The following CCDC178 variants were observed in gnomAD, a reference collection of about 807,000 sequenced individuals.
The protein encoded by CCDC178 is coiled-coil domain-containing protein 178.
CCDC178 carries 126 observed loss-of-function variants against 117.4 expected under a neutral mutation model. The ratio of observed to expected loss-of-function variants is 1.07; its 90% CI spans 0.93 to 1.24. The LOEUF (loss-of-function observed/expected upper bound fraction) is 1.24. CCDC178 is among the 50% of genes most tolerant of loss of function. CCDC178 has a pLI of 0.00. For synonymous variants in CCDC178, 283 were observed against 313.4 expected, an observed-to-expected ratio of 0.90 and a Z score of 1.02; for missense variants, 1,030 against 986.9, an observed-to-expected ratio of 1.04 and a Z score of -0.59.
chr18:33,228,250 C>T (rs1279295693), intron 15 of CCDC178, among the ~76,000 whole-genome samples: 3 of 152,130 alleles, frequency 2.0e-5, no homozygotes, highest in Non-Finnish European at 4.4e-5. Flanking sequence ...TTAGATCACT[C>T]TGGTTACAAT....
intron 20 of CCDC178, among the ~76,000 whole-genome samples, chr18:33,174,653 T>C (rs1388885660): frequency 6.6e-6 from 1 of 152,006 alleles, no homozygotes; most frequent in African/African-American, 2.4e-5. Context: ...AGGAGGAGAG[T>C]AAATGTCAAC....
chr18:33,109,405 C>A (rs1374828634), intron 20 of CCDC178, among the ~76,000 whole-genome samples: 1 of 151,546 alleles, frequency 6.6e-6, no homozygotes, highest in African/African-American at 2.4e-5. Flanking sequence ...AAAAGAGATG[C>A]AAAACATTTG....
intron 20 of CCDC178, among the ~76,000 whole-genome samples, chr18:33,166,766 A>G (rs2058535936): frequency 6.6e-6 from 1 of 152,176 alleles, no homozygotes; most frequent in African/African-American, 2.4e-5. Context: ...GTAAAAATTC[A>G]TACTGGTCTG....
At chr18:33,237,783 A>C (rs961552919) in intron 15 of CCDC178, among the ~76,000 whole-genome samples, 6 of 151,604 alleles carry the variant, frequency 4.0e-5, no homozygotes, top group Non-Finnish European at 5.9e-5. Flanking sequence ...AAAAAAACAA[A>C]AAAAAAAACA....
intron 20 of CCDC178, among the ~76,000 whole-genome samples, chr18:33,187,798 C>A (rs1230870343): frequency 1.3e-5 from 2 of 151,980 alleles, no homozygotes; most frequent in Admixed American, 6.6e-5. Context: ...AACCCAAGAC[C>A]CAAAGTTGGC....
intron 20 of CCDC178, among the ~76,000 whole-genome samples, chr18:33,210,388 G>T (rs746934663): frequency 1.6e-4 from 25 of 151,888 alleles, no homozygotes; most frequent in Non-Finnish European, 3.1e-4. Flanking sequence ...CAGGCTTTTT[G>T]ATGAAAAGAA....
intron 20 of CCDC178, among the ~76,000 whole-genome samples, chr18:33,171,322 C>T (rs2058596848): frequency 6.6e-6 from 1 of 152,164 alleles, no homozygotes; most frequent in Non-Finnish European, 1.5e-5. Flanking sequence ...TTCACTCTTC[C>T]TGATACTTAC....
At chr18:33,310,725 CT>C (rs1275892766) in intron 11 of CCDC178, among the ~76,000 whole-genome samples, 17 of 152,022 alleles carry the variant, frequency 1.1e-4, no homozygotes, top group African/African-American at 4.1e-4. Flanking sequence ...GATTGGCCCC[CT>C]ATGTTAAAAT....
chr18:33,369,343 T>C (rs1288503939), intron 6 of CCDC178, among the ~76,000 whole-genome samples: 2 of 151,668 alleles, frequency 1.3e-5, no homozygotes, highest in Non-Finnish European at 2.9e-5. Flanking sequence ...CATCCTAGAC[T>C]GAGAATTGTA....
chr18:33,096,357 A>AATATAAAATTTTTATATTTTATATAAAC (rs2057544467), intron 20 of CCDC178, among the ~76,000 whole-genome samples: 1 of 117,832 alleles, frequency 8.5e-6, no homozygotes, highest in Non-Finnish European at 1.7e-5. Flanking sequence ...TTTATATAAA[A>AATATAAAATTTTTATATTTTATATAAAC]ATATAAAATT....
At chr18:33,369,279 TA>T (rs1267258453) in intron 6 of CCDC178, among the ~76,000 whole-genome samples, 1 of 151,972 alleles carries the variant, frequency 6.6e-6, no homozygotes, top group African/African-American at 2.4e-5. Flanking sequence ...AAGGTCACTC[TA>T]AAGCCTGCAA....
chr18:33,075,127 T>G (rs1159019198), intron 21 of CCDC178, among the ~76,000 whole-genome samples: 1 of 152,160 alleles, frequency 6.6e-6, no homozygotes, highest in East Asian at 1.9e-4. Flanking sequence ...TAGATGCAGG[T>G]ACTTTGATGG....
At chr18:33,367,612 T>C (rs73955119) in intron 6 of CCDC178, among the ~76,000 whole-genome samples, 2,358 of 151,858 alleles carry the variant, frequency 0.016, 58 homozygotes, top group African/African-American at 0.053. Flanking sequence ...TCAGAAAAAA[T>C]TTTTTCATCT....
intron 20 of CCDC178, among the ~76,000 whole-genome samples, chr18:33,159,405 T>A (rs551526225): frequency 1.3e-5 from 2 of 152,250 alleles, no homozygotes; most frequent in Admixed American, 6.5e-5. Flanking sequence ...ATGTATTCTC[T>A]TACAGTTCCA....
intron 20 of CCDC178, among the ~76,000 whole-genome samples, chr18:33,107,225 C>T (rs1311079642): frequency 2.0e-5 from 3 of 151,418 alleles, no homozygotes; most frequent in African/African-American, 4.8e-5. Flanking sequence ...GTGTTAGGTA[C>T]TAGACATATA....
chr18:33,418,860 T>C (rs1350864749), intron 2 of CCDC178, among the ~76,000 whole-genome samples: 1 of 152,146 alleles, frequency 6.6e-6, no homozygotes, highest in Non-Finnish European at 1.5e-5. Flanking sequence ...GGAAAATTAT[T>C]CCATAGTCTT....
At chr18:33,253,076 C>G (rs942644446) in intron 14 of CCDC178, among the ~76,000 whole-genome samples, 2 of 151,734 alleles carry the variant, frequency 1.3e-5, no homozygotes, top group Non-Finnish European at 2.9e-5. Flanking sequence ...AGTCAAATGT[C>G]CCAAATGTAA....
At chr18:33,094,174 C>T (rs1028401423) in intron 20 of CCDC178, among the ~76,000 whole-genome samples, 2 of 151,964 alleles carry the variant, frequency 1.3e-5, no homozygotes, top group Non-Finnish European at 2.9e-5. Context: ...CATAGCTATT[C>T]TTCAAAAAGC....
At chr18:33,147,186 C>A (rs913478429) in intron 20 of CCDC178, among the ~76,000 whole-genome samples, 1 of 123,938 alleles carries the variant, frequency 8.1e-6, no homozygotes, top group African/African-American at 3.2e-5. Flanking sequence ...TTATTTCTTA[C>A]AGTTCTGGAG....
Sources: gnomAD v4.1 joint callset for allele counts (sites outside exome capture counted in the v4.1 genomes callset) on GRCh38, gnomAD v4.1.1 for gene constraint, MANE v1.5 for transcripts, NCBI Gene and HGNC (gene_info 2026-07-23, HGNC 2026-07-21) for gene names.